Variants in TUSC3 observed in about 807,000 individuals in gnomAD.
TUSC3 encodes the protein dolichyl-diphosphooligosaccharide--protein glycosyltransferase subunit TUSC3.
TUSC3 carries 45 observed loss-of-function variants against 44.8 expected under a neutral mutation model. The ratio of observed to expected loss-of-function variants is 1.00; its 90% confidence interval spans 0.79 to 1.29. The LOEUF is 1.29. TUSC3 is among the 50% of genes most tolerant of loss of function. The pLI, the probability that TUSC3 is intolerant of heterozygous loss-of-function variation, is 0.00. For missense variants in TUSC3, 519 were observed against 437.9 expected, an observed-to-expected ratio of 1.19 and a Z score of -1.65; for synonymous variants, 212 against 152.9, an observed-to-expected ratio of 1.39 and a Z score of -2.85.
At chr8:15,640,615 C>T (rs1266734511) in intron 2 of TUSC3, among the ~76,000 whole-genome samples, 1 of 152,140 alleles carries the variant, frequency 6.6e-6, no homozygotes, top group Admixed American at 6.5e-5. Context: ...TTAAATAGAA[C>T]TAGGGACAAA....
chr8:15,489,884 C>T (rs1484767492), intron 2 of TUSC3, among the ~76,000 whole-genome samples: 1 of 152,122 alleles, frequency 6.6e-6, no homozygotes, highest in Non-Finnish European at 1.5e-5. Flanking sequence ...ATATTCTATT[C>T]TGAAACAAAT....
the TUSC3 span, among the ~76,000 whole-genome samples, chr8:15,794,910 C>G: frequency 6.6e-6 from 1 of 152,100 alleles, no homozygotes; most frequent in African/African-American, 2.4e-5. Context: ...AAGAAAGTCA[C>G]AAGATATGGA....
intron 2 of TUSC3, among the ~76,000 whole-genome samples, chr8:15,518,096 G>A (rs562884704): frequency 1.2e-4 from 18 of 152,088 alleles, no homozygotes; most frequent in Non-Finnish European, 2.5e-4. Context: ...TACTTAGCCT[G>A]TAGATTTCAT....
chr8:15,569,844 T>C (rs575741220), intron 1 of TUSC3, among the ~76,000 whole-genome samples: 1 of 152,276 alleles, frequency 6.6e-6, no homozygotes, highest in East Asian at 1.9e-4. Flanking sequence ...GTAATCCATT[T>C]AGTGCGGACC....
intron 1 of TUSC3, among the ~76,000 whole-genome samples, chr8:15,597,536 TC>T (rs1804121898): frequency 6.6e-6 from 1 of 152,122 alleles, no homozygotes; most frequent in South Asian, 2.1e-4. Flanking sequence ...TCTTTGCAAA[TC>T]ATTTTTTAAG....
At chr8:15,489,548 G>T (rs1340649382) in intron 2 of TUSC3, among the ~76,000 whole-genome samples, 1 of 152,168 alleles carries the variant, frequency 6.6e-6, no homozygotes, top group South Asian at 2.1e-4. Context: ...GCTTTGAGGG[G>T]CCATTTCAAA....
the TUSC3 span, among the ~76,000 whole-genome samples, chr8:15,843,107 A>C: frequency 1 from 152,235 of 152,290 alleles, 76,090 homozygotes; most frequent in Middle Eastern, 1. Context: ...AAAATAACAG[A>C]ATTTACTCTT....
chr8:15,790,114 G>C, the TUSC3 span, among the ~76,000 whole-genome samples: 3 of 151,818 alleles, frequency 2.0e-5, no homozygotes, highest in African/African-American at 4.8e-5. Flanking sequence ...CTCTAGAAAA[G>C]GGGTAGTAAC....
intron 2 of TUSC3, among the ~76,000 whole-genome samples, chr8:15,497,074 C>T (rs1167450759): frequency 3.3e-5 from 5 of 151,936 alleles, no homozygotes; most frequent in East Asian, 1.9e-4. Flanking sequence ...TGACAAAATA[C>T]GGAAAATACG....
the TUSC3 span, among the ~76,000 whole-genome samples, chr8:15,780,926 G>C: frequency 1.3e-5 from 2 of 152,146 alleles, no homozygotes; most frequent in Non-Finnish European, 1.5e-5. Context: ...GAATAGAATA[G>C]AGAAGAGGCT....
chr8:15,460,740 T>C (rs1425235004), intron 1 of TUSC3, among the ~76,000 whole-genome samples: 1 of 152,190 alleles, frequency 6.6e-6, no homozygotes, highest in Non-Finnish European at 1.5e-5. Flanking sequence ...TTCATTCTCC[T>C]ACATGTGGTT....
chr8:15,632,362 A>C (rs1805812524), intron 2 of TUSC3, among the ~76,000 whole-genome samples: 1 of 152,180 alleles, frequency 6.6e-6, no homozygotes, highest in Non-Finnish European at 1.5e-5. Flanking sequence ...AGGGAAGAGT[A>C]CTATAGCAGT....
chr8:15,482,834 C>T lies in TUSC3; in HGVS notation n.92-552C>T, dbSNP rs1357304028. Among the ~76,000 whole-genome samples, 3 of 152,156 alleles carry T rather than the reference C, an allele frequency of 2.0e-5. No homozygotes were observed. In the East Asian group the frequency reaches 5.8e-4, roughly 29 times the overall value. Reference sequence around the variant, plus strand: ...AAACATACAATATTAATTGCAAGGTCTTTGTATGATAGAATACATGACTTT... The same window carrying T: ...AAACATACAATATTAATTGCAAGGTTTTTGTATGATAGAATACATGACTTT... On this transcript the variant is annotated intron_variant and non_coding_transcript_variant, in intron 1 of 5. Transcript: ENST00000503191.
At chr8:15,595,793 TCTA>T (rs1248402560) in intron 1 of TUSC3, among the ~76,000 whole-genome samples, 6 of 152,304 alleles carry the variant, frequency 3.9e-5, no homozygotes, top group African/African-American at 1.4e-4. Flanking sequence ...GAAGTAAAAT[TCTA>T]CTATGTGTGT....
intron 1 of TUSC3, among the ~76,000 whole-genome samples, chr8:15,573,204 A>C (rs201789213): frequency 0.21 from 14,180 of 67,242 alleles, 802 homozygotes; most frequent in Non-Finnish European, 0.23. Flanking sequence ...CTCTCTCTCT[A>C]TATATATATA....
intron 2 of TUSC3, among the ~76,000 whole-genome samples, chr8:15,638,608 C>G (rs1329179390): frequency 1.3e-5 from 2 of 148,408 alleles, no homozygotes; most frequent in African/African-American, 5.0e-5. Flanking sequence ...ACTGCAACCT[C>G]TCCGCCTCCT....
chr8:15,493,626 C>G (rs1800839859), intron 2 of TUSC3, among the ~76,000 whole-genome samples: 1 of 152,096 alleles, frequency 6.6e-6, no homozygotes, highest in Non-Finnish European at 1.5e-5. Context: ...TGGAACTATA[C>G]TAGGGAGGTG....
At chr8:15,837,119 G>T in the TUSC3 span, among the ~76,000 whole-genome samples, 1 of 152,014 alleles carries the variant, frequency 6.6e-6, no homozygotes, top group African/African-American at 2.4e-5. Flanking sequence ...ACTGTCTGCT[G>T]GCAGTGTATG....
At chr8:15,434,778 A>G (rs1042854045) in intron 1 of TUSC3, among the ~76,000 whole-genome samples, 3 of 151,684 alleles carry the variant, frequency 2.0e-5, no homozygotes, top group Admixed American at 1.3e-4. Flanking sequence ...GAGTGAGAAC[A>G]TGTGGTGTTT....
Sources: allele counts gnomAD v4.1 joint callset (sites outside exome capture counted in the v4.1 genomes callset), GRCh38; gene constraint gnomAD v4.1.1; transcripts MANE v1.5; gene names NCBI Gene and HGNC (gene_info 2026-07-23, HGNC 2026-07-21).